Variants in FABP6 observed in about 807,000 individuals in gnomAD.
The protein encoded by FABP6 is gastrotropin.
FABP6 carries 13 observed loss-of-function variants against 14.9 expected under a neutral mutation model. The ratio of observed to expected loss-of-function variants is 0.87; its 90% CI spans 0.57 to 1.39. The LOEUF is 1.39. Ranked by LOEUF, FABP6 falls within the 40% of genes most tolerant of loss-of-function variation. FABP6 has a pLI of 0.00. For synonymous variants in FABP6, 75 were observed against 63.6 expected, an observed-to-expected ratio of 1.18 and a Z score of -0.85; for missense variants, 161 against 167.2, an observed-to-expected ratio of 0.96 and a Z score of 0.20.
intron 1 of FABP6, among the ~76,000 whole-genome samples, chr5:160,195,370 A>G (rs1759489364): frequency 6.6e-6 from 1 of 150,910 alleles, no homozygotes; most frequent in Non-Finnish European, 1.5e-5. Context: ...CCACATGGTC[A>G]CAGCCCGTTC....
chr5:160,211,377 T>G (rs1316255923), intron 2 of FABP6, among the ~76,000 whole-genome samples: 1 of 152,186 alleles, frequency 6.6e-6, no homozygotes, highest in Non-Finnish European at 1.5e-5. Flanking sequence ...GTAGCTGATA[T>G]TTATGAAGTG....
At chr5:160,191,599 CTTTT>C (rs1759394443) in intron 1 of FABP6, among the ~76,000 whole-genome samples, 1 of 151,974 alleles carries the variant, frequency 6.6e-6, no homozygotes, top group South Asian at 2.1e-4. Context: ...TTCTGTTTCT[CTTTT>C]TATTTATTAA....
upstream of FABP6, among the ~76,000 whole-genome samples, chr5:160,227,129 A>G (rs2055981463): frequency 6.6e-6 from 1 of 152,244 alleles, no homozygotes; most frequent in Non-Finnish European, 1.5e-5. Context: ...GTTGAACAGG[A>G]TATGATATAC....
intron 2 of FABP6, among the ~76,000 whole-genome samples, chr5:160,234,256 C>T (rs1334553597): frequency 1.3e-5 from 2 of 152,126 alleles, no homozygotes; most frequent in African/African-American, 4.8e-5. Flanking sequence ...CTTCAGCACA[C>T]AGCATAAGCA....
intron 2 of FABP6, among the ~76,000 whole-genome samples, chr5:160,210,607 C>G (rs1296060282): frequency 1.3e-5 from 2 of 152,188 alleles, no homozygotes; most frequent in East Asian, 1.9e-4. Flanking sequence ...TGCCTCAGCT[C>G]GAAGACCTGC....
At chr5:160,188,792 C>T (rs1024299493) in intron 1 of FABP6, among the ~76,000 whole-genome samples, 2 of 152,138 alleles carry the variant, frequency 1.3e-5, no homozygotes, top group Non-Finnish European at 2.9e-5. Flanking sequence ...TTCTGCAAGG[C>T]CCCTCCCGGT....
intron 3 of FABP6, among the ~76,000 whole-genome samples, chr5:160,214,189 G>A (rs1759964630): frequency 7.2e-6 from 1 of 138,026 alleles, no homozygotes. Flanking sequence ...TTTATTACAG[G>A]GTCTCATTCT....
chr5:160,193,010 C>G (rs1759428888), intron 1 of FABP6, among the ~76,000 whole-genome samples: 2 of 152,206 alleles, frequency 1.3e-5, no homozygotes, highest in Admixed American at 1.3e-4. Context: ...ACTTGGGAAG[C>G]TGAGGCAGGA....
chr5:160,207,589 G>A (rs1759794801), intron 2 of FABP6, among the ~76,000 whole-genome samples: 1 of 151,982 alleles, frequency 6.6e-6, no homozygotes, highest in South Asian at 2.1e-4. Flanking sequence ...AGTACATATG[G>A]TATGTTCCCA....
At chr5:160,191,960 C>T (rs563269242) in intron 1 of FABP6, among the ~76,000 whole-genome samples, 145 of 150,658 alleles carry the variant, frequency 9.6e-4, no homozygotes, top group African/African-American at 3.2e-3. Flanking sequence ...GGTGACAGAG[C>T]GAGACTCCAT....
chr5:160,221,073 A>T (rs1049041420), intron 3 of FABP6, among the ~76,000 whole-genome samples: 13 of 135,752 alleles, frequency 9.6e-5, no homozygotes, highest in Non-Finnish European at 1.7e-4. Flanking sequence ...TGGGTGACAG[A>T]GTGAGACTTT....
At chr5:160,232,858 C>T (rs181434522) in intron 2 of FABP6, among the ~76,000 whole-genome samples, 2,013 of 151,734 alleles carry the variant, frequency 0.013, 18 homozygotes, top group South Asian at 0.037. Flanking sequence ...GATCATGCCA[C>T]TGCACTCCAG....
At chr5:160,232,929 C>A (rs1480117866) in intron 2 of FABP6, among the ~76,000 whole-genome samples, 1 of 150,284 alleles carries the variant, frequency 6.7e-6, no homozygotes, top group Non-Finnish European at 1.5e-5. Context: ...ATAAAAAAAA[C>A]CTTGCCTTAG....
rs559378187 is a variant in FABP6 at position 160,187,869 on chromosome 5, C to T, written c.-59+415C>T. Among the ~76,000 whole-genome samples, 22 of 152,286 alleles carry T rather than the reference C, an allele frequency of 1.4e-4. No individual in the cohort carries two copies. The East Asian group carries it at 3.9e-3, about 27-fold the overall frequency. ...CCGAGTTCAAGCGATTCTTCTGCCT[C>T]AGCCTCCCAAGTAGCTGGGATTACA... On this transcript the variant is annotated intron_variant, in intron 1 of 6. Transcript: ENST00000393980.
intron 1 of FABP6, among the ~76,000 whole-genome samples, chr5:160,188,538 A>C (rs1759334412): frequency 1.3e-5 from 2 of 152,022 alleles, no homozygotes; most frequent in African/African-American, 2.4e-5. Context: ...CGCTGGGGAG[A>C]GGCCGCCGCC....
chr5:160,213,646 G>A lies in FABP6; in HGVS notation c.52-90G>A, dbSNP rs1328432204. On this transcript the variant is annotated intron_variant, in intron 2 of 6. Transcript: ENST00000393980. Reference sequence around the variant, plus strand: ...TTGCAATTAAGAGCGCTGCTATGAGGAGCTCTGCCTCCCTGCACAGAGCTG... The same window carrying A: ...TTGCAATTAAGAGCGCTGCTATGAGAAGCTCTGCCTCCCTGCACAGAGCTG... The A allele has an allele frequency of 2.8e-6, 3 of 1,077,152 alleles. No homozygotes were observed. The African/African-American group carries it at 4.6e-5, about 17-fold the overall frequency. The allele number at this position is 1,077,152 out of a possible 1,614,324, so 66.7% of individuals were successfully genotyped here.
intron 2 of FABP6, among the ~76,000 whole-genome samples, chr5:160,207,647 G>C (rs1195557379): frequency 2.0e-5 from 3 of 151,676 alleles, no homozygotes; most frequent in African/African-American, 7.3e-5. Flanking sequence ...ATATAATAAG[G>C]TCTGGAAGTA....
At chr5:160,214,144 T>A (rs59908042) in intron 3 of FABP6, among the ~76,000 whole-genome samples, 1,437 of 111,894 alleles carry the variant, frequency 0.013, 45 homozygotes, top group African/African-American at 0.043. Flanking sequence ...TCTTTCTTTC[T>A]TTCTTTCTTT....
intron 2 of FABP6, among the ~76,000 whole-genome samples, chr5:160,209,352 C>CA (rs1554112876): frequency 6.6e-6 from 1 of 151,786 alleles, no homozygotes; most frequent in African/African-American, 2.4e-5. Flanking sequence ...TCTCTCTCCA[C>CA]AAAAAAATAA....
Sources: gnomAD v4.1 joint callset for allele counts (sites outside exome capture counted in the v4.1 genomes callset) on GRCh38, gnomAD v4.1.1 for gene constraint, MANE v1.5 for transcripts, NCBI Gene and HGNC (gene_info 2026-07-23, HGNC 2026-07-21) for gene names.